Variants in WDFY3 observed in about 807,000 individuals in gnomAD.
The protein encoded by WDFY3 is WD repeat and FYVE domain-containing protein 3.
A neutral mutation model predicts 409.6 loss-of-function variants in WDFY3; 66 were observed. That is an observed-to-expected ratio of 0.16 (90% confidence interval 0.13 to 0.20). The LOEUF (loss-of-function observed/expected upper bound fraction) is 0.20, where lower values mean the gene tolerates loss of function less well. Among genes scored for constraint, WDFY3 ranks in the 10% least tolerant of loss-of-function variants. The probability of loss-of-function intolerance (pLI) is 1.00; values close to 1 mark genes in which losing one functional copy is unlikely to be tolerated. For synonymous variants in WDFY3, 1,521 were observed against 1,537.1 expected, an observed-to-expected ratio of 0.99 and a Z score of 0.25; for missense variants, 3,031 against 4,298.1, an observed-to-expected ratio of 0.71 and a Z score of 8.24.
At chr4:84,793,603 G>C (rs1232202788) in intron 21 of WDFY3, among the ~76,000 whole-genome samples, 1 of 152,194 alleles carries the variant, frequency 6.6e-6, no homozygotes, top group Non-Finnish European at 1.5e-5. Context: ...GCAAAACAAA[G>C]ATCAGAGAAA....
chr4:84,720,490 T>C (rs1371565873), intron 47 of WDFY3, among the ~76,000 whole-genome samples: 1 of 152,064 alleles, frequency 6.6e-6, no homozygotes, highest in Admixed American at 6.6e-5. Context: ...TGATCCCCAT[T>C]GTTGGAGGTG....
At chr4:84,811,531 A>G (rs1304477370) in intron 13 of WDFY3, among the ~76,000 whole-genome samples, 1 of 152,190 alleles carries the variant, frequency 6.6e-6, no homozygotes, top group Non-Finnish European at 1.5e-5. Context: ...TAGAATTTAA[A>G]CCTAGGCAGT....
intron 3 of WDFY3, among the ~76,000 whole-genome samples, chr4:84,885,253 C>G (rs1764043988): frequency 6.6e-6 from 1 of 151,720 alleles, no homozygotes; most frequent in African/African-American, 2.4e-5. Flanking sequence ...GATTCACCCG[C>G]CTTGGCCTCC....
At chr4:84,886,099 A>G (rs1764184907) in intron 3 of WDFY3, among the ~76,000 whole-genome samples, 1 of 152,238 alleles carries the variant, frequency 6.6e-6, no homozygotes, top group Non-Finnish European at 1.5e-5. Context: ...ACTTTTGGAA[A>G]TTAAAAATAC....
chr4:84,789,197 T>C (rs1353135402), intron 22 of WDFY3, among the ~76,000 whole-genome samples: 1 of 152,234 alleles, frequency 6.6e-6, no homozygotes, highest in Admixed American at 6.5e-5. Flanking sequence ...CAACTCTTTT[T>C]TTCTATTCTA....
chr4:84,822,443 C>G lies in WDFY3; in HGVS notation c.1124-892G>C, dbSNP rs79818222. On this transcript the variant is annotated intron_variant, in intron 10 of 67. Coordinates refer to ENST00000295888, the MANE Select transcript of WDFY3 (RefSeq NM_014991.6). ...CAGGGCTGGGGGCAGTAGCTCACAC[C>G]GGTAGTCCTAGCACTTTGGGAAGAC... Among the ~76,000 whole-genome samples, 4 of 152,154 alleles carry G rather than the reference C, an allele frequency of 2.6e-5. 1 individual carries two copies. The South Asian group carries it at 8.3e-4, about 32-fold the overall frequency.
intron 4 of WDFY3, among the ~76,000 whole-genome samples, chr4:84,855,692 C>T (rs1162619367): frequency 6.6e-6 from 1 of 151,892 alleles, no homozygotes; most frequent in Non-Finnish European, 1.5e-5. Flanking sequence ...ATCATTAGTC[C>T]TAAAATAATT....
At chr4:84,889,697 C>T (rs1764682607) in intron 3 of WDFY3, among the ~76,000 whole-genome samples, 1 of 152,140 alleles carries the variant, frequency 6.6e-6, no homozygotes, top group Admixed American at 6.5e-5. Flanking sequence ...CCCTAAGCTA[C>T]ATTTTCCTTA....
intron 24 of WDFY3, among the ~76,000 whole-genome samples, chr4:84,785,289 A>G (rs2149511364): frequency 6.6e-6 from 1 of 152,180 alleles, no homozygotes; most frequent in Non-Finnish European, 1.5e-5. Context: ...AGGTACGTAC[A>G]GTACACTTCT....
At position 84,745,950 on chromosome 4, in the gene WDFY3, G is replaced by C. The variant is rs76730797; in HGVS notation, c.5974-2151C>G. Among the ~76,000 whole-genome samples the C allele has an allele frequency of 6.9e-3, 1,047 of 151,968 alleles. 11 individuals are homozygous for C. The highest frequency in any genetic ancestry group is 0.024 in the African/African-American group (1,002 of 41,402). On this transcript the variant is annotated intron_variant, in intron 36 of 67. Coordinates refer to ENST00000295888, the MANE Select transcript of WDFY3 (RefSeq NM_014991.6). ...GAGACCATTTTTTCCAATAGCTTGA[G>C]TCATCATAATTTGCTAAGGAATAAA...
intron 3 of WDFY3, among the ~76,000 whole-genome samples, chr4:84,864,080 T>C (rs933610675): frequency 1.3e-5 from 2 of 152,070 alleles, no homozygotes; most frequent in East Asian, 3.9e-4. Flanking sequence ...AAGAATGCTA[T>C]TGGAGGCCAG....
At position 84,810,310 on chromosome 4, in the gene WDFY3, G is replaced by A. The variant is rs1261786897; in HGVS notation, c.1922C>T (p.Ser641Leu). 2 of 1,604,810 alleles carry A rather than the reference G, an allele frequency of 1.2e-6. No individual in the cohort carries two copies. The highest frequency in any genetic ancestry group is 1.7e-6 in the Non-Finnish European group (2 of 1,175,392). ...TCCAACTTTCCTAAAAACTGTTCTT[G>A]AACGATGGCTTTCTCGAAGGACCGA... ...LLSVLRESHR[S>L]RTVFRKVGGF... The change falls in exon 14 of 68, where the codon TCA becomes TTA. Residue 641 changes from serine to leucine, a missense_variant. Physicochemically the swap from Ser to Leu is moderately radical, Grantham distance 145. Coordinates refer to ENST00000295888, the MANE Select transcript of WDFY3 (RefSeq NM_014991.6).
intron 27 of WDFY3, among the ~76,000 whole-genome samples, chr4:84,775,641 CAATCTAAG>C (rs1365952946): frequency 6.6e-6 from 1 of 151,504 alleles, no homozygotes; most frequent in Non-Finnish European, 1.5e-5. Flanking sequence ...CAGTATCAAG[CAATCTAAG>C]ATATGTGTCA....
chr4:84,831,313 G>C, intron 8 of WDFY3, 100 bp downstream of exon 8: 2 of 951,214 alleles, frequency 2.1e-6, no homozygotes, highest in Non-Finnish European at 2.8e-6. Context: ...TTATTTTAAA[G>C]AACAAGCTTT....
At position 84,735,113 on chromosome 4, in the gene WDFY3, G is replaced by A. The variant is rs755548898; in HGVS notation, c.6923C>T (p.Ser2308Leu). 16 of 1,611,952 alleles carry A rather than the reference G, an allele frequency of 9.9e-6. 1 individual carries two copies. In the South Asian group the frequency reaches 1.4e-4, roughly 14 times the overall value. ...NKHSLSTQEISQWMFTHIAVV... is the reference protein window; with the variant it reads ...NKHSLSTQEILQWMFTHIAVV... Reference sequence around the variant, plus strand: ...AGCAATGTGAGTAAACATCCACTGCGAAATCTCCTAACAATGGATGGAAAA... The same window carrying A: ...AGCAATGTGAGTAAACATCCACTGCAAAATCTCCTAACAATGGATGGAAAA... Residue 2308 changes from serine (S) to leucine (L), a missense_variant, in exon 43 of 68, where the codon TCG becomes TTG. By Grantham distance (145) the Ser-to-Leu change is moderately radical (BLOSUM62 -2). Coordinates refer to ENST00000295888, the MANE Select transcript of WDFY3 (RefSeq NM_014991.6).
chr4:84,862,363 G>A (rs1049615037), intron 3 of WDFY3, among the ~76,000 whole-genome samples: 15 of 152,366 alleles, frequency 9.8e-5, no homozygotes, highest in Non-Finnish European at 1.8e-4. Context: ...CATAGGCAAA[G>A]GGCTGGGGGG....
intron 40 of WDFY3, among the ~76,000 whole-genome samples, chr4:84,738,698 T>C (rs566375005): frequency 1.6e-4 from 25 of 152,196 alleles, no homozygotes; most frequent in Admixed American, 5.9e-4. Flanking sequence ...TAATGTGATA[T>C]GCCTGGCATT....
rs1486248300 is a variant in WDFY3 at position 84,850,939 on chromosome 4, T to G, written c.181-914A>C. On this transcript the variant is annotated intron_variant, in intron 4 of 67. Coordinates refer to ENST00000295888, the MANE Select transcript of WDFY3 (RefSeq NM_014991.6). ...AATTTTATTTATCTGTTTTTTTTTT[T>G]TTTTTTTTTTTTTTTTTTTTTTTTT... Among the ~76,000 whole-genome samples the G allele has an allele frequency of 1.1e-4, 7 of 62,656 alleles. No homozygotes were observed. The South Asian group carries it at 2.0e-3, about 18-fold the overall frequency. The allele number at this position is 62,656 out of a possible 152,430, so 41.1% of individuals were successfully genotyped here.
intron 4 of WDFY3, among the ~76,000 whole-genome samples, chr4:84,854,672 G>C (rs1268430471): frequency 6.6e-6 from 1 of 152,338 alleles, no homozygotes; most frequent in African/African-American, 2.4e-5. Flanking sequence ...CACTTTGGGA[G>C]GTTGAGGTGG....
Sources: allele counts gnomAD v4.1 joint callset (sites outside exome capture counted in the v4.1 genomes callset), GRCh38; gene constraint gnomAD v4.1.1; transcripts MANE v1.5; gene names NCBI Gene and HGNC (gene_info 2026-07-23, HGNC 2026-07-21).